The following CNTNAP4 variants were observed in gnomAD, a reference collection of about 807,000 sequenced individuals.
CNTNAP4 encodes contactin associated protein family member 4.
In CNTNAP4, 98 loss-of-function variants were observed where a neutral mutation model predicts 148.4. That is an observed-to-expected ratio of 0.66 (90% confidence interval 0.56 to 0.78). The LOEUF is 0.78. Among genes scored for constraint, CNTNAP4 ranks in the 30% least tolerant of loss-of-function variants. The pLI is 0.00. For synonymous variants in CNTNAP4, 730 were observed against 565.1 expected (o/e 1.29, Z -4.14); for missense variants, 1,935 against 1,565.6 (o/e 1.24, Z -3.98).
chr16:76,391,815 A>G (rs1482578963), intron 3 of CNTNAP4, among the ~76,000 whole-genome samples: 1 of 152,218 alleles, frequency 6.6e-6, no homozygotes, highest in East Asian at 1.9e-4. Flanking sequence ...ACAGGATCTC[A>G]GTCACTGCTT....
intron 21 of CNTNAP4, among the ~76,000 whole-genome samples, chr16:76,552,632 T>G (rs1191142052): frequency 2.6e-5 from 4 of 152,182 alleles, no homozygotes; most frequent in Non-Finnish European, 5.9e-5. Context: ...CAAGTTGTCA[T>G]TGAAACAAGA....
intron 4 of CNTNAP4, among the ~76,000 whole-genome samples, chr16:76,444,039 G>A (rs2080145162): frequency 6.6e-6 from 1 of 152,210 alleles, no homozygotes; most frequent in East Asian, 1.9e-4. Flanking sequence ...AGAAGTATTT[G>A]ATTCATTAAT....
rs745996265 is a variant in CNTNAP4 at position 76,538,295 on chromosome 16, A to G, written c.3175A>G (p.Ser1059Gly). 6.2e-7 allele frequency: 1 copy of G among 1,607,090 alleles called. No individual in the cohort carries two copies. Among genetic ancestry groups the G allele is most frequent in the Non-Finnish European group, 8.5e-7 (1 of 1,177,518 alleles). Residue 1059 changes from serine (S) to glycine (G), a missense_variant, in exon 19 of 24, where the codon AGC becomes GGC. Transcript: ENST00000611870. ...AACACCAAGCTTGCTGCTTTTTGTG[A>G]GCTCCTTTTACAAAGAATACCTTTC... ...TRTPSLLLFV[S>G]SFYKEYLSVI... is the part of the protein sequence containing the mutation.
intron 23 of CNTNAP4, among the ~76,000 whole-genome samples, chr16:76,556,761 C>A (rs1283881920): frequency 2.0e-5 from 3 of 152,096 alleles, no homozygotes; most frequent in African/African-American, 4.8e-5. Context: ...CAAAAGCAAT[C>A]ATATTTATTA....
At chr16:76,431,804 C>CT (rs35186682) in intron 4 of CNTNAP4, among the ~76,000 whole-genome samples, 3 of 151,166 alleles carry the variant, frequency 2.0e-5, no homozygotes, top group Admixed American at 6.6e-5. Flanking sequence ...TCCGTTGATC[C>CT]TTTTTTTTTC....
chr16:76,396,551 T>G (rs1037005380), intron 3 of CNTNAP4, among the ~76,000 whole-genome samples: 3 of 152,246 alleles, frequency 2.0e-5, no homozygotes, highest in Middle Eastern at 3.2e-3. Context: ...CAGACATGAT[T>G]ACAGAGTGGT....
chr16:76,382,945 A>G (rs149853139), intron 3 of CNTNAP4, among the ~76,000 whole-genome samples: 64 of 152,332 alleles, frequency 4.2e-4, no homozygotes, highest in Middle Eastern at 6.8e-3. Flanking sequence ...AAATGAAGTA[A>G]TTGAAACATC....
At position 76,522,227 on chromosome 16, in the gene CNTNAP4, C is replaced by T. The variant is rs748926351; in HGVS notation, c.2725C>T (p.Leu909=). The part of the protein sequence containing the change: ...TQPAPADGHV[L]LQLNSQLFVG... ...GCCCGCCCCCGCTGATGGGCATGTC[C>T]TGTTACAGCTCAACAGTCAGCTCTT... is the stretch of plus-strand genomic sequence containing the variant. The change falls in exon 17 of 24, where the codon CTG becomes TTG. Residue 909 remains leucine, a synonymous_variant. Coordinates refer to ENST00000611870, the MANE Select transcript of CNTNAP4 (RefSeq NM_033401.5). 10 of 1,613,776 alleles carry T rather than the reference C, an allele frequency of 6.2e-6. No homozygotes were observed. Among genetic ancestry groups the T allele is most frequent in the East Asian group, 2.2e-5 (1 of 44,888 alleles).
chr16:76,401,276 A>G (rs372534040), intron 3 of CNTNAP4, among the ~76,000 whole-genome samples: 19 of 152,046 alleles, frequency 1.2e-4, no homozygotes, highest in African/African-American at 2.9e-4. Context: ...CTGTATTCCT[A>G]GGTATTTTAT....
In CNTNAP4 at chr16:76,489,834, A is replaced by G; in HGVS notation, c.2031A>G (p.Glu677=). ...QATINRAEHC[E]QEFTYYCKKS... ...CTATTAACCGTGCAGAGCACTGTGAACAGGAGTTTACTTATTACTGCAAGA... is the reference window on the plus strand; with the variant it reads ...CTATTAACCGTGCAGAGCACTGTGAGCAGGAGTTTACTTATTACTGCAAGA... Residue 677 remains glutamate, a synonymous_variant, in exon 13 of 24, where the codon GAA becomes GAG. Transcript: ENST00000611870. The G allele has an allele frequency of 5.0e-6, 8 of 1,596,784 alleles. No homozygotes were observed. Among genetic ancestry groups the G allele is most frequent in the South Asian group, 1.1e-5 (1 of 88,296 alleles).
chr16:76,500,361 G>T (rs563441734), intron 15 of CNTNAP4, among the ~76,000 whole-genome samples: 2 of 152,330 alleles, frequency 1.3e-5, no homozygotes, highest in East Asian at 1.9e-4. Flanking sequence ...AGCTATGATG[G>T]CAAACTTTGT....
At chr16:76,368,542 A>T (rs922382779) in intron 3 of CNTNAP4, among the ~76,000 whole-genome samples, 7 of 152,182 alleles carry the variant, frequency 4.6e-5, no homozygotes. Context: ...TGAAGCTGGA[A>T]ACCATCATTC....
intron 12 of CNTNAP4, among the ~76,000 whole-genome samples, chr16:76,481,451 G>T (rs370356586): frequency 6.6e-6 from 1 of 152,174 alleles, no homozygotes; most frequent in Non-Finnish European, 1.5e-5. Context: ...AAGCCAGGGC[G>T]GGGGCATAAT....
intron 3 of CNTNAP4, among the ~76,000 whole-genome samples, chr16:76,399,598 G>A (rs188060974): frequency 1.3e-5 from 2 of 152,192 alleles, no homozygotes; most frequent in Admixed American, 1.3e-4. Flanking sequence ...GGGAATTTTG[G>A]TAAAGGAAAG....
intron 3 of CNTNAP4, among the ~76,000 whole-genome samples, chr16:76,423,522 A>G (rs2079267807): frequency 6.6e-6 from 1 of 152,216 alleles, no homozygotes; most frequent in Non-Finnish European, 1.5e-5. Flanking sequence ...ATAAAGAGAT[A>G]CTTAAATCCA....
At chr16:76,425,780 G>T (rs1257218895) in intron 3 of CNTNAP4, among the ~76,000 whole-genome samples, 1 of 152,176 alleles carries the variant, frequency 6.6e-6, no homozygotes, top group Non-Finnish European at 1.5e-5. Context: ...GTTCAAGGAG[G>T]TCCAGTGTGG....
intron 3 of CNTNAP4, among the ~76,000 whole-genome samples, chr16:76,386,171 G>A (rs1814154923): frequency 6.6e-6 from 1 of 152,020 alleles, no homozygotes; most frequent in South Asian, 2.1e-4. Flanking sequence ...TAGCTAGTAG[G>A]CAAATTCACA....
intron 2 of CNTNAP4, among the ~76,000 whole-genome samples, chr16:76,323,373 A>G (rs1209394811): frequency 1.3e-5 from 2 of 152,020 alleles, no homozygotes; most frequent in African/African-American, 4.8e-5. Context: ...TAACATTTTG[A>G]TAAAGGTTGG....
intron 10 of CNTNAP4, 147 bp downstream of exon 10, chr16:76,467,670 A>C: frequency 2.7e-6 from 2 of 752,812 alleles, no homozygotes; most frequent in Non-Finnish European, 4.1e-6. Context: ...AGAAATAAGA[A>C]AAAATGCACC....
Sources: gnomAD v4.1 joint callset for allele counts (sites outside exome capture counted in the v4.1 genomes callset) on GRCh38, gnomAD v4.1.1 for gene constraint, MANE v1.5 for transcripts, NCBI Gene and HGNC (gene_info 2026-07-23, HGNC 2026-07-21) for gene names.